HYCC1: variants seen among roughly 807,000 people sequenced by gnomAD.
The protein encoded by HYCC1 is hyccin PI4KA lipid kinase complex subunit 1.
chr7:22,928,247 C>T, the HYCC1 span, among the ~76,000 whole-genome samples: 2 of 152,150 alleles, frequency 1.3e-5, no homozygotes, highest in African/African-American at 4.8e-5. Flanking sequence ...TGGACAAAAA[C>T]TGGAAGCATT....
At chr7:22,976,841 A>G in the HYCC1 span, 203 of 1,320,906 alleles carry the variant, frequency 1.5e-4, 1 homozygote, top group Non-Finnish European at 2.1e-4. Flanking sequence ...AAGAAAAAAA[A>G]AGCTATTCTG....
At chr7:22,944,299 G>A in the HYCC1 span, 1 of 152,162 alleles carries the variant, frequency 6.6e-6, no homozygotes, top group Admixed American at 6.6e-5. Flanking sequence ...CGCAACCATA[G>A]CCAAAAGGAC....
the HYCC1 span, among the ~76,000 whole-genome samples, chr7:22,973,776 AGG>A: frequency 6.6e-6 from 1 of 152,190 alleles, no homozygotes; most frequent in Non-Finnish European, 1.5e-5. Context: ...TTCCCTGGTC[AGG>A]TAAAATTGGT....
chr7:22,944,106 C>T, the HYCC1 span: 3 of 152,146 alleles, frequency 2.0e-5, no homozygotes, highest in Non-Finnish European at 4.4e-5. Flanking sequence ...CACTAGCATG[C>T]TCTCTTGGTG....
chr7:22,928,426 T>C, the HYCC1 span, among the ~76,000 whole-genome samples: 12 of 152,294 alleles, frequency 7.9e-5, no homozygotes, highest in African/African-American at 2.9e-4. Context: ...TGATTGTATA[T>C]CTAGAAAACC....
At chr7:22,946,873 G>T in the HYCC1 span, 1 of 1,135,644 alleles carries the variant, frequency 8.8e-7, no homozygotes, top group Non-Finnish European at 1.2e-6. Flanking sequence ...TCATGCATTT[G>T]GATTAGATTA....
the HYCC1 span, chr7:22,942,385 G>A: frequency 2.0e-5 from 3 of 152,074 alleles, no homozygotes; most frequent in African/African-American, 7.2e-5. Context: ...GGTATACAAA[G>A]GACTCCAGGG....
At chr7:22,908,958 C>T in the HYCC1 span, among the ~76,000 whole-genome samples, 1 of 152,182 alleles carries the variant, frequency 6.6e-6, no homozygotes, top group Non-Finnish European at 1.5e-5. Context: ...TGCATTAAGG[C>T]TCAGATGAGC....
the HYCC1 span, among the ~76,000 whole-genome samples, chr7:23,005,215 GAATGCTGACTCTGGAGTCCAAA>G: frequency 3.2e-4 from 49 of 152,216 alleles, no homozygotes; most frequent in East Asian, 7.7e-4. Flanking sequence ...ATAATGAAAA[GAATGCTGACTCTGGAGTCCAAA>G]AAACCCGGGC....
chr7:22,962,900 A>C, the HYCC1 span, among the ~76,000 whole-genome samples: 1 of 152,084 alleles, frequency 6.6e-6, no homozygotes, highest in East Asian at 1.9e-4. Context: ...AGAAGGCTGA[A>C]AGCTGAGGAC....
the HYCC1 span, chr7:22,935,398 C>G: frequency 6.6e-6 from 1 of 152,104 alleles, no homozygotes; most frequent in Admixed American, 6.6e-5. Context: ...GCTGAATTCC[C>G]TGTGTATGGG....
the HYCC1 span, among the ~76,000 whole-genome samples, chr7:23,011,880 T>C: frequency 6.6e-6 from 1 of 152,066 alleles, no homozygotes; most frequent in East Asian, 1.9e-4. Context: ...CTTGGCTGTG[T>C]GCTCCCAACT....
the HYCC1 span, among the ~76,000 whole-genome samples, chr7:22,989,771 T>A: frequency 1.3e-5 from 2 of 152,164 alleles, no homozygotes; most frequent in African/African-American, 4.8e-5. Flanking sequence ...GCTGAGAAAG[T>A]AAAAGTCTGC....
At chr7:22,920,265 T>C in the HYCC1 span, among the ~76,000 whole-genome samples, 1 of 152,038 alleles carries the variant, frequency 6.6e-6, no homozygotes, top group Non-Finnish European at 1.5e-5. Context: ...AAGGATCTCT[T>C]CAATGCTGCA....
chr7:22,924,691 G>C, the HYCC1 span, among the ~76,000 whole-genome samples: 1 of 152,232 alleles, frequency 6.6e-6, no homozygotes, highest in Non-Finnish European at 1.5e-5. Flanking sequence ...TGGGAAGCTC[G>C]AACTGGGTGG....
chr7:22,941,495 A>G, the HYCC1 span: 4 of 152,188 alleles, frequency 2.6e-5, no homozygotes, highest in Non-Finnish European at 5.9e-5. Flanking sequence ...TGAAAAGATT[A>G]GTATCACTAA....
At chr7:22,972,589 T>A in the HYCC1 span, among the ~76,000 whole-genome samples, 1 of 152,236 alleles carries the variant, frequency 6.6e-6, no homozygotes, top group Admixed American at 6.5e-5. Flanking sequence ...TTCCTCAAAC[T>A]TAGAGGACTC....
chr7:22,969,586 T>C, the HYCC1 span, among the ~76,000 whole-genome samples: 1 of 151,490 alleles, frequency 6.6e-6, no homozygotes, highest in South Asian at 2.1e-4. Flanking sequence ...AGTGGCACGA[T>C]GATCTCAGCT....
chr7:22,905,166 C>T, the HYCC1 span, among the ~76,000 whole-genome samples: 3 of 152,092 alleles, frequency 2.0e-5, no homozygotes, highest in South Asian at 6.2e-4. Context: ...AAACACCACC[C>T]ACCAGGCCCA....
Sources: gnomAD v4.1 joint callset for allele counts (sites outside exome capture counted in the v4.1 genomes callset) on GRCh38, gnomAD v4.1.1 for gene constraint, MANE v1.5 for transcripts, NCBI Gene and HGNC (gene_info 2026-07-23, HGNC 2026-07-21) for gene names.